Variants in CHST15 observed in about 807,000 individuals in gnomAD.
CHST15 encodes the protein carbohydrate sulfotransferase 15, also known as B cell RAG associated protein (GALNAC4S-6ST).
Under a neutral mutation model 53.6 loss-of-function variants are expected in CHST15, and 30 were observed. The ratio of observed to expected loss-of-function variants is 0.56; its 90% confidence interval spans 0.42 to 0.76. The LOEUF (loss-of-function observed/expected upper bound fraction) is 0.76. Among genes scored for constraint, CHST15 ranks in the 30% least tolerant of loss-of-function variants. CHST15 has a pLI of 0.00. For missense variants in CHST15, 627 were observed against 740.5 expected (o/e 0.85, Z 1.78); for synonymous variants, 296 against 289.8 (o/e 1.02, Z -0.22).
intron 1 of CHST15, among the ~76,000 whole-genome samples, chr10:124,081,524 CCA>C (rs1949239246): frequency 6.6e-6 from 1 of 152,176 alleles, no homozygotes; most frequent in African/African-American, 2.4e-5. Flanking sequence ...TGATTTATAG[CCA>C]CAGAGTTTCT....
At chr10:124,078,567 G>C (rs1296202968) in intron 1 of CHST15, among the ~76,000 whole-genome samples, 1 of 152,144 alleles carries the variant, frequency 6.6e-6, no homozygotes, top group Non-Finnish European at 1.5e-5. Context: ...TCACCTCTGT[G>C]CACCCATCAG....
At chr10:124,083,743 G>A (rs531078757) in intron 1 of CHST15, among the ~76,000 whole-genome samples, 8 of 152,282 alleles carry the variant, frequency 5.3e-5, no homozygotes, top group Non-Finnish European at 8.8e-5. Context: ...CAAGTTCAGC[G>A]TGTCCTAAAA....
At position 124,009,302 on chromosome 10, in the gene CHST15, T is replaced by G; in HGVS notation, c.*847A>C. ...TCTTCCAATTATAAACTGAAGTTCT[T>G]GAGAAAACGTATGAAGAGGCAGCAG... On this transcript the variant is annotated 3_prime_UTR_variant, in exon 8 of 8. Coordinates refer to ENST00000435907, the MANE Select transcript of CHST15 (RefSeq NM_001270764.2). The G allele has an allele frequency of 2.7e-6, 3 of 1,093,298 alleles. No homozygotes were observed. The highest frequency in any genetic ancestry group is 3.4e-6 in the Non-Finnish European group (3 of 888,786). 67.7% of individuals were successfully genotyped at this position (1,093,298 alleles called of 1,614,324 possible).
chr10:124,023,486 A>C (rs990924886), intron 5 of CHST15, among the ~76,000 whole-genome samples: 1 of 60,674 alleles, frequency 1.6e-5, no homozygotes, highest in Non-Finnish European at 3.1e-5. Flanking sequence ...AACCTCTCTC[A>C]AAAAAAAAAA....
At chr10:124,082,535 T>C (rs1449004977) in intron 1 of CHST15, among the ~76,000 whole-genome samples, 1 of 151,948 alleles carries the variant, frequency 6.6e-6, no homozygotes, top group Non-Finnish European at 1.5e-5. Flanking sequence ...TGAATCTTAT[T>C]ATTAGAAGAA....
Position 124,044,668 on chromosome 10 carries a change from G to T in CHST15, c.798C>A (p.Thr266=), listed in dbSNP as rs1457284672. ...GCCGCAGGCGGTCATAGAGGTCTGT[G>T]GTCCCGCACTTGGGCTGCCCTATGA... is the stretch of plus-strand genomic sequence containing the variant. ...FYIIGQPKCG[T]TDLYDRLRLH... is the part of the protein sequence containing the mutation. The change falls in exon 3 of 8, where the codon ACC becomes ACA. Residue 266 remains threonine, a synonymous_variant. Coordinates refer to ENST00000435907, the MANE Select transcript of CHST15 (RefSeq NM_001270764.2). The T allele has an allele frequency of 1.9e-6, 3 of 1,613,322 alleles. No homozygotes were observed. Among genetic ancestry groups the T allele is most frequent in the Non-Finnish European group, 2.5e-6 (3 of 1,179,598 alleles).
intron 5 of CHST15, among the ~76,000 whole-genome samples, chr10:124,023,749 C>T (rs1946881055): frequency 6.6e-6 from 1 of 152,182 alleles, no homozygotes; most frequent in Admixed American, 6.5e-5. Context: ...CCTTCAACTT[C>T]TCCAACCTGG....
At chr10:124,076,459 C>T (rs1275332234) in intron 1 of CHST15, among the ~76,000 whole-genome samples, 5 of 152,194 alleles carry the variant, frequency 3.3e-5, no homozygotes, top group Non-Finnish European at 7.3e-5. Flanking sequence ...ATTTCCTAAG[C>T]GTGTGCTTAG....
intron 1 of CHST15, among the ~76,000 whole-genome samples, chr10:124,051,018 A>G (rs904510999): frequency 8.5e-5 from 13 of 152,098 alleles, no homozygotes; most frequent in Non-Finnish European, 1.5e-4. Flanking sequence ...ATCTTGGCTC[A>G]CTGCAACCTC....
At chr10:124,035,105 A>ACCCCGGCTCCGCCCCCTAACAGGGAC (rs1488818989) in intron 5 of CHST15, among the ~76,000 whole-genome samples, 1 of 120,428 alleles carries the variant, frequency 8.3e-6, no homozygotes, top group African/African-American at 3.3e-5. Context: ...CCTAACAGGG[A>ACCCCGGCTCCGCCCCCTAACAGGGAC]CCCCGGCTCC....
intron 1 of CHST15, among the ~76,000 whole-genome samples, chr10:124,089,449 C>T (rs1192711574): frequency 2.0e-5 from 3 of 152,000 alleles, no homozygotes; most frequent in African/African-American, 7.3e-5. Context: ...CTGCCAATTA[C>T]AGGGAGTGTC....
intron 6 of CHST15, among the ~76,000 whole-genome samples, chr10:124,013,076 C>T (rs555235259): frequency 1.1e-4 from 16 of 152,350 alleles, no homozygotes; most frequent in South Asian, 6.2e-4. Flanking sequence ...TTCCTTCTCT[C>T]GTGCCTTACT....
chr10:124,018,592 T>C (rs1024019329), intron 6 of CHST15, among the ~76,000 whole-genome samples: 2 of 152,220 alleles, frequency 1.3e-5, no homozygotes, highest in Non-Finnish European at 2.9e-5. Context: ...GAGCATTTTA[T>C]GGCCAGCTTC....
intron 5 of CHST15, among the ~76,000 whole-genome samples, chr10:124,021,840 C>T (rs1946801624): frequency 6.6e-6 from 1 of 152,200 alleles, no homozygotes; most frequent in African/African-American, 2.4e-5. Context: ...ATCTGTTGCT[C>T]TCACAATATT....
intron 6 of CHST15, 39 bp downstream of exon 6, chr10:124,021,217 G>A (rs757722364): frequency 6.6e-7 from 1 of 1,516,768 alleles, no homozygotes; most frequent in African/African-American, 1.5e-5. Context: ...CCTTCTGCCA[G>A]GGGCCAGCTC....
At chr10:124,027,978 TTTA>T (rs1415526387) in intron 5 of CHST15, among the ~76,000 whole-genome samples, 4 of 152,248 alleles carry the variant, frequency 2.6e-5, no homozygotes, top group African/African-American at 9.7e-5. Flanking sequence ...TTTAGGTGTT[TTTA>T]TTATTTTAGG....
Position 124,009,612 on chromosome 10 carries a change from A to G in CHST15, c.*537T>C, listed in dbSNP as rs1332577026. The stretch of plus-strand genomic sequence containing the variant: ...TGTCCCAGTGAGGTTAGCGATCGCA[A>G]CAAGAGTGTTTCAGAAGTGAATGTG... On this transcript the variant is annotated 3_prime_UTR_variant, in exon 8 of 8. Coordinates refer to ENST00000435907, the MANE Select transcript of CHST15 (RefSeq NM_001270764.2). 1 of 992,778 alleles carries G rather than the reference A, an allele frequency of 1.0e-6. No homozygotes were observed. Among genetic ancestry groups the G allele is most frequent in the Non-Finnish European group, 1.2e-6 (1 of 833,908 alleles). The allele number at this position is 992,778 out of a possible 1,614,324, so 61.5% of individuals were successfully genotyped here.
chr10:124,056,286 A>G (rs1448513377), intron 1 of CHST15, among the ~76,000 whole-genome samples: 2 of 152,184 alleles, frequency 1.3e-5, no homozygotes, highest in Non-Finnish European at 2.9e-5. Flanking sequence ...ACCCAGAGAC[A>G]CAGGACAGGA....
chr10:124,016,686 ATGGATGGGAGAACTAACCTC>A (rs1946596122), intron 6 of CHST15, among the ~76,000 whole-genome samples: 2 of 152,318 alleles, frequency 1.3e-5, no homozygotes, highest in Admixed American at 1.3e-4. Flanking sequence ...GATACCAGCT[ATGGATGGGAGAACTAACCTC>A]TGTGAGCCTC....
Sources: allele counts gnomAD v4.1 joint callset (sites outside exome capture counted in the v4.1 genomes callset), GRCh38; gene constraint gnomAD v4.1.1; transcripts MANE v1.5; gene names NCBI Gene and HGNC (gene_info 2026-07-23, HGNC 2026-07-21).